Variants in ASH1L observed in about 807,000 individuals in gnomAD.
The protein encoded by ASH1L is ASH1 like histone lysine methyltransferase.
ASH1L carries 23 observed loss-of-function variants against 269.0 expected under a neutral mutation model. The ratio of observed to expected loss-of-function variants is 0.09; its 90% confidence interval spans 0.06 to 0.12. The LOEUF (loss-of-function observed/expected upper bound fraction) is 0.12, where lower values mean the gene tolerates loss of function less well. Among genes scored for constraint, ASH1L ranks in the 10% least tolerant of loss-of-function variants. The probability of loss-of-function intolerance (pLI) is 1.00; values close to 1 mark genes in which losing one functional copy is unlikely to be tolerated. For missense variants in ASH1L, 2,912 were observed against 3,567.8 expected (o/e 0.82, Z 4.68); for synonymous variants, 1,187 against 1,253.5 (o/e 0.95, Z 1.12).
intron 10 of ASH1L, among the ~76,000 whole-genome samples, chr1:155,377,928 C>T (rs1021691708): frequency 6.6e-6 from 1 of 151,712 alleles, no homozygotes; most frequent in African/African-American, 2.4e-5. Flanking sequence ...GAGGCTGAGG[C>T]AGGAGAATGG....
chr1:155,461,794 GT>G (rs1464983984), intron 3 of ASH1L, among the ~76,000 whole-genome samples: 1 of 144,852 alleles, frequency 6.9e-6, no homozygotes, highest in Non-Finnish European at 1.5e-5. Flanking sequence ...GAAAAGAGGG[GT>G]TTGAGGGTTT....
At chr1:155,366,145 C>G (rs368895529) in intron 12 of ASH1L, among the ~76,000 whole-genome samples, 3 of 152,092 alleles carry the variant, frequency 2.0e-5, no homozygotes, top group South Asian at 4.1e-4. Flanking sequence ...ACCTTGCTGA[C>G]AAAACAGGCT....
intron 9 of ASH1L, 29 bp downstream of exon 9, chr1:155,378,474 G>A (rs1358799616): frequency 1.2e-6 from 2 of 1,611,728 alleles, no homozygotes; most frequent in East Asian, 4.5e-5. Context: ...ACGTATAGAG[G>A]CAGAAAAAAT....
intron 2 of ASH1L, among the ~76,000 whole-genome samples, chr1:155,510,860 T>C (rs899531474): frequency 6.6e-6 from 1 of 152,022 alleles, no homozygotes; most frequent in Non-Finnish European, 1.5e-5. Context: ...ACAGTAAACA[T>C]ATACAGAACA....
intron 5 of ASH1L, 139 bp downstream of exon 5, chr1:155,438,188 G>C: frequency 1.1e-6 from 1 of 919,850 alleles, no homozygotes; most frequent in Non-Finnish European, 1.6e-6. Context: ...CAATACATAA[G>C]AACAGTTTTT....
intron 6 of ASH1L, among the ~76,000 whole-genome samples, chr1:155,403,534 A>G (rs972928511): frequency 6.6e-6 from 1 of 152,172 alleles, no homozygotes; most frequent in Non-Finnish European, 1.5e-5. Flanking sequence ...CTGTTCTCTC[A>G]CAAGGTTCTT....
chr1:155,492,778 C>CT (rs1256435420), intron 2 of ASH1L, among the ~76,000 whole-genome samples: 1 of 150,730 alleles, frequency 6.6e-6, no homozygotes, highest in East Asian at 1.9e-4. Context: ...TAGAAATTCT[C>CT]TATTTTATTT....
At position 155,395,480 on chromosome 1, in the gene ASH1L, A is replaced by G. The variant is rs759296864; in HGVS notation, c.6082T>C (p.Phe2028Leu). The part of the protein sequence containing the change: ...YTPGEHEYGL[F>L]PAPIHVGKYL... ...TTACCAACATGAATGGGCGCTGGAAATAATCCATATTCATGCTCTCCTGGA... is the reference window on the plus strand; with the variant it reads ...TTACCAACATGAATGGGCGCTGGAAGTAATCCATATTCATGCTCTCCTGGA... The change falls in exon 7 of 28, where the codon TTT (phenylalanine) becomes CTT (leucine). Residue 2028 changes from phenylalanine (F) to leucine (L), a missense_variant. Phe to Leu is a conservative substitution (Grantham distance 22). This residue lies in a region of ASH1L where 193 missense variants were observed against 311.6 expected (regional missense o/e 0.62). Coordinates refer to ENST00000392403, the MANE Select transcript of ASH1L (RefSeq NM_018489.3). The G allele has an allele frequency of 1.2e-6, 2 of 1,610,678 alleles. No homozygotes were observed. Among genetic ancestry groups the G allele is most frequent in the Admixed American group, 1.7e-5 (1 of 59,468 alleles).
intron 2 of ASH1L, among the ~76,000 whole-genome samples, chr1:155,498,598 C>T (rs1185232016): frequency 1.3e-5 from 2 of 151,976 alleles, no homozygotes; most frequent in South Asian, 2.1e-4. Context: ...TGTGCCACCA[C>T]GCCTGGCTAA....
At chr1:155,532,972 G>GAC (rs1669791889) in intron 1 of ASH1L, among the ~76,000 whole-genome samples, 1 of 147,902 alleles carries the variant, frequency 6.8e-6, no homozygotes, top group South Asian at 2.1e-4. Flanking sequence ...GGGGGAGAGA[G>GAC]AGAGAGAGAG....
At chr1:155,427,749 T>C (rs1458619201) in intron 5 of ASH1L, among the ~76,000 whole-genome samples, 1 of 152,126 alleles carries the variant, frequency 6.6e-6, no homozygotes, top group Non-Finnish European at 1.5e-5. Flanking sequence ...CCTGATACAG[T>C]TTGGATGTGC....
chr1:155,543,546 A>G (rs1670588224), intron 1 of ASH1L, among the ~76,000 whole-genome samples: 1 of 151,490 alleles, frequency 6.6e-6, no homozygotes, highest in Admixed American at 6.6e-5. Context: ...TCAGTATGAC[A>G]AGGAGATGAT....
intron 1 of ASH1L, among the ~76,000 whole-genome samples, chr1:155,549,645 T>A (rs113437401): frequency 1.5e-3 from 216 of 147,602 alleles, no homozygotes; most frequent in African/African-American, 5.3e-3. Context: ...AAAAAAAAAA[T>A]TTAAGTATAC....
chr1:155,362,976 ATT>A, intron 12 of ASH1L, among the ~76,000 whole-genome samples: 1 of 152,180 alleles, frequency 6.6e-6, no homozygotes, highest in Admixed American at 6.5e-5. Flanking sequence ...GCATTTAAAA[ATT>A]TTTATTTATT....
intron 17 of ASH1L, among the ~76,000 whole-genome samples, chr1:155,351,292 G>C (rs1382602597): frequency 6.9e-6 from 1 of 144,060 alleles, no homozygotes; most frequent in Non-Finnish European, 1.5e-5. Flanking sequence ...GCTCACGCCT[G>C]TAATCCCAGC....
intron 2 of ASH1L, among the ~76,000 whole-genome samples, chr1:155,515,689 A>G (rs1232833644): frequency 6.6e-6 from 1 of 151,814 alleles, no homozygotes; most frequent in Non-Finnish European, 1.5e-5. Flanking sequence ...TTAGCCAGGT[A>G]TGGTGGCAAG....
intron 12 of ASH1L, 60 bp downstream of exon 12, chr1:155,370,444 T>TTGCTGCACTCAATGCTTG: frequency 6.2e-7 from 1 of 1,603,476 alleles, no homozygotes; most frequent in South Asian, 1.1e-5. Flanking sequence ...GATCAATCCC[T>TTGCTGCACTCAATGCTTG]TGCTGCACTC....
At chr1:155,414,529 A>C (rs1306877593) in intron 6 of ASH1L, among the ~76,000 whole-genome samples, 1 of 152,110 alleles carries the variant, frequency 6.6e-6, no homozygotes, top group East Asian at 1.9e-4. Context: ...GGCTGGTCTC[A>C]AACTCCCAAC....
At chr1:155,469,537 T>C (rs1010388471) in intron 3 of ASH1L, among the ~76,000 whole-genome samples, 2 of 152,220 alleles carry the variant, frequency 1.3e-5, no homozygotes, top group Non-Finnish European at 2.9e-5. Context: ...GAATTCACCA[T>C]AAATATTGTC....
Sources: gnomAD v4.1 joint callset for allele counts (sites outside exome capture counted in the v4.1 genomes callset) on GRCh38, gnomAD v4.1.1 for gene constraint, gnomAD v4.1.1 regional missense constraint, MANE v1.5 for transcripts, NCBI Gene and HGNC (gene_info 2026-07-23, HGNC 2026-07-21) for gene names.